CNTNAP2: variants seen among roughly 807,000 people sequenced by gnomAD.
CNTNAP2 encodes the protein contactin associated protein 2.
A neutral mutation model predicts 155.2 loss-of-function variants in CNTNAP2; 98 were observed. The observed-to-expected ratio is 0.63, with a 90% CI of 0.54 to 0.75. CNTNAP2 has a LOEUF of 0.75. CNTNAP2 is among the 30% of genes least tolerant of loss of function. The pLI, the probability that CNTNAP2 is intolerant of heterozygous loss-of-function variation, is 0.00. For missense variants in CNTNAP2, 1,727 were observed against 1,688.1 expected (o/e 1.02, Z -0.40); for synonymous variants, 651 against 631.2 (o/e 1.03, Z -0.47).
intron 8 of CNTNAP2, among the ~76,000 whole-genome samples, chr7:147,259,509 A>T (rs1804409019): frequency 6.6e-6 from 1 of 152,210 alleles, no homozygotes; most frequent in Non-Finnish European, 1.5e-5. Flanking sequence ...TATTAAATAA[A>T]CAATATTTTT....
intron 11 of CNTNAP2, among the ~76,000 whole-genome samples, chr7:147,507,584 G>C (rs1490533984): frequency 1.7e-5 from 2 of 115,254 alleles, no homozygotes; most frequent in East Asian, 2.4e-4. Flanking sequence ...TTGGAGTCTC[G>C]CTCTGTCACC....
intron 13 of CNTNAP2, among the ~76,000 whole-genome samples, chr7:147,751,269 T>A (rs1404850931): frequency 6.6e-6 from 1 of 151,792 alleles, no homozygotes; most frequent in African/African-American, 2.4e-5. Context: ...CTGATGTATT[T>A]ATTTATTTAG....
At chr7:146,781,901 T>C (rs150184735) in intron 2 of CNTNAP2, among the ~76,000 whole-genome samples, 2 of 152,280 alleles carry the variant, frequency 1.3e-5, no homozygotes, top group East Asian at 3.9e-4. Flanking sequence ...GCATTGTCTG[T>C]CTGTGTGGCC....
chr7:146,478,448 G>A lies in CNTNAP2; in HGVS notation c.98-295823G>A, dbSNP rs563522615. ...TCCTGGACACCAACACCCTCCAAGC[G>A]GGGCCTCTTTGATTTGGTCTCACAT... On this transcript the variant is annotated intron_variant, in intron 1 of 23. Transcript: ENST00000361727. Among the ~76,000 whole-genome samples the A allele has an allele frequency of 9.2e-5, 14 of 152,042 alleles. No individual in the cohort carries two copies. In the South Asian group the frequency reaches 2.7e-3, roughly 29 times the overall value.
chr7:147,197,222 T>C (rs1363612365), intron 8 of CNTNAP2, among the ~76,000 whole-genome samples: 1 of 152,090 alleles, frequency 6.6e-6, no homozygotes, highest in Non-Finnish European at 1.5e-5. Flanking sequence ...CACAGGCCAC[T>C]ACTTCATTTA....
chr7:146,138,638 T>G (rs1797832175), intron 1 of CNTNAP2, among the ~76,000 whole-genome samples: 1 of 152,068 alleles, frequency 6.6e-6, no homozygotes, highest in Non-Finnish European at 1.5e-5. Context: ...ACATGTTTGA[T>G]CCTCTATATC....
chr7:146,715,052 C>T (rs1050914603), intron 1 of CNTNAP2, among the ~76,000 whole-genome samples: 5 of 152,056 alleles, frequency 3.3e-5, no homozygotes, highest in South Asian at 2.1e-4. Flanking sequence ...CTATAGAGGC[C>T]GGGCGTGATG....
chr7:147,847,594 G>C (rs1301571107), intron 13 of CNTNAP2, among the ~76,000 whole-genome samples: 2 of 40,622 alleles, frequency 4.9e-5, no homozygotes, highest in African/African-American at 2.2e-4. Context: ...TCTTCTCTCA[G>C]CTCGTCAAAA....
At chr7:147,428,431 A>G (rs1203996856) in intron 10 of CNTNAP2, among the ~76,000 whole-genome samples, 1 of 152,008 alleles carries the variant, frequency 6.6e-6, no homozygotes, top group Non-Finnish European at 1.5e-5. Context: ...TTCATCTCAT[A>G]CTTCTCATTT....
chr7:147,555,905 C>A (rs1310402715), intron 11 of CNTNAP2, among the ~76,000 whole-genome samples: 1 of 152,234 alleles, frequency 6.6e-6, no homozygotes, highest in Non-Finnish European at 1.5e-5. Context: ...CCTACCCTAT[C>A]CATTCTTTAA....
intron 3 of CNTNAP2, among the ~76,000 whole-genome samples, chr7:146,962,644 G>T (rs1797577877): frequency 1.3e-5 from 2 of 152,184 alleles, no homozygotes; most frequent in African/African-American, 4.8e-5. Flanking sequence ...TCCACCTCCT[G>T]GGTTCAAGCG....
At chr7:146,315,566 C>G (rs965005501) in intron 1 of CNTNAP2, among the ~76,000 whole-genome samples, 1 of 152,172 alleles carries the variant, frequency 6.6e-6, no homozygotes, top group Admixed American at 6.6e-5. Flanking sequence ...CCACTCATGG[C>G]TATTTACTTG....
At chr7:147,144,748 T>C (rs1801666863) in intron 8 of CNTNAP2, among the ~76,000 whole-genome samples, 2 of 152,222 alleles carry the variant, frequency 1.3e-5, no homozygotes, top group South Asian at 2.1e-4. Context: ...AGTTTTGTAA[T>C]ACACAATAAG....
chr7:146,822,192 A>G (rs1030190893), intron 2 of CNTNAP2, among the ~76,000 whole-genome samples: 3 of 152,100 alleles, frequency 2.0e-5, no homozygotes, highest in Admixed American at 1.3e-4. Context: ...GAAACTGGAA[A>G]CCATCATTCT....
intron 20 of CNTNAP2, among the ~76,000 whole-genome samples, chr7:148,249,937 T>G (rs1009846307): frequency 3.9e-5 from 6 of 152,256 alleles, no homozygotes; most frequent in African/African-American, 1.4e-4. Flanking sequence ...GGAGCGTCTC[T>G]GACATCACTA....
chr7:148,122,931 A>AAGTGGAC (rs1163424007), intron 16 of CNTNAP2, among the ~76,000 whole-genome samples: 1 of 152,340 alleles, frequency 6.6e-6, no homozygotes. Context: ...CGTGAGGGTT[A>AAGTGGAC]AGTGGACGGG....
chr7:147,324,961 G>A lies in CNTNAP2; in HGVS notation c.1498+24671G>A, dbSNP rs183733729. ...TAGGTAATGGCAGAAGTGTGGAAAG[G>A]CAGCCTCTGACTTTTTAAAACATCC... On this transcript the variant is annotated intron_variant, in intron 9 of 23. Transcript: ENST00000361727. 9.2e-5 allele frequency among the ~76,000 whole-genome samples: 14 copies of A among 152,246 alleles called. No individual in the cohort carries two copies. In the East Asian group the frequency reaches 1.7e-3, roughly 19 times the overall value.
At chr7:146,387,344 C>T (rs540420746) in intron 1 of CNTNAP2, among the ~76,000 whole-genome samples, 1 of 152,146 alleles carries the variant, frequency 6.6e-6, no homozygotes, top group Non-Finnish European at 1.5e-5. Context: ...TCAGCTGCCT[C>T]CTGCCCCAGG....
chr7:146,995,092 T>G (rs1798281971), intron 3 of CNTNAP2, among the ~76,000 whole-genome samples: 2 of 152,096 alleles, frequency 1.3e-5, no homozygotes, highest in Admixed American at 6.6e-5. Flanking sequence ...TGTGACATTT[T>G]TCTTTGTGTG....
Sources: gnomAD v4.1 joint callset for allele counts (sites outside exome capture counted in the v4.1 genomes callset) on GRCh38, gnomAD v4.1.1 for gene constraint, MANE v1.5 for transcripts, NCBI Gene and HGNC (gene_info 2026-07-23, HGNC 2026-07-21) for gene names.